Variants in TTC1 observed in about 807,000 individuals in gnomAD.
TTC1 encodes the protein tetratricopeptide repeat protein 1.
TTC1 carries 31 observed loss-of-function variants against 37.6 expected under a neutral mutation model. That is an observed-to-expected ratio of 0.82 (90% CI 0.62 to 1.11). TTC1 has a LOEUF of 1.11. Among genes scored for constraint, TTC1 ranks in the 50% most tolerant of loss-of-function variants. The pLI is 0.00. For synonymous variants in TTC1, 127 were observed against 122.4 expected, an observed-to-expected ratio of 1.04 and a Z score of -0.25; for missense variants, 351 against 339.0, an observed-to-expected ratio of 1.04 and a Z score of -0.28.
At chr5:160,029,328 A>G (rs1158337189) in intron 2 of TTC1, among the ~76,000 whole-genome samples, 1 of 151,968 alleles carries the variant, frequency 6.6e-6, no homozygotes, top group Non-Finnish European at 1.5e-5. Context: ...TTGTTTCTAA[A>G]CACTATTCCA....
At chr5:160,054,560 G>A (rs1277472889) in intron 7 of TTC1, among the ~76,000 whole-genome samples, 1 of 151,448 alleles carries the variant, frequency 6.6e-6, no homozygotes, top group Non-Finnish European at 1.5e-5. Flanking sequence ...GCAGTGTTAC[G>A]ATGGTACCAG....
At chr5:160,054,617 GAAA>G (rs1322968196) in intron 7 of TTC1, among the ~76,000 whole-genome samples, 1 of 141,382 alleles carries the variant, frequency 7.1e-6, no homozygotes, top group Non-Finnish European at 1.6e-5. Flanking sequence ...AAAAAAGAAA[GAAA>G]AAAGAAAAGA....
intron 5 of TTC1, among the ~76,000 whole-genome samples, chr5:160,045,267 A>C (rs1322387003): frequency 6.6e-6 from 1 of 152,142 alleles, no homozygotes; most frequent in Non-Finnish European, 1.5e-5. Context: ...TGCCTAGAAA[A>C]TGAGGGAAAG....
intron 7 of TTC1, among the ~76,000 whole-genome samples, chr5:160,063,240 T>C (rs6861719): frequency 0.76 from 115,480 of 152,128 alleles, 43,878 homozygotes; most frequent in East Asian, 0.87. Flanking sequence ...GGCCATGCGT[T>C]TTTTTTGCTC....
intron 4 of TTC1, among the ~76,000 whole-genome samples, chr5:160,040,443 A>G (rs991916270): frequency 1.3e-5 from 2 of 151,984 alleles, no homozygotes; most frequent in African/African-American, 4.8e-5. Context: ...TATTTTTTTA[A>G]TTTTTCTTTA....
intron 5 of TTC1, among the ~76,000 whole-genome samples, chr5:160,045,882 A>T (rs1652217307): frequency 6.6e-6 from 1 of 152,042 alleles, no homozygotes; most frequent in African/African-American, 2.4e-5. Flanking sequence ...AGCTGGGACT[A>T]CGGGCGCATG....
At chr5:160,010,276 AAAAG>A (rs1314075313) in intron 1 of TTC1, among the ~76,000 whole-genome samples, 1 of 151,590 alleles carries the variant, frequency 6.6e-6, no homozygotes, top group Admixed American at 6.6e-5. Flanking sequence ...AAAAAAAAAA[AAAAG>A]AATCTGGTAC....
At chr5:160,036,662 T>C in intron 3 of TTC1, 29 bp from the exon 4 acceptor site, 1 of 1,455,180 alleles carries the variant, frequency 6.9e-7, no homozygotes, top group Non-Finnish European at 9.7e-7. Context: ...AAAATCAAAA[T>C]GACCATTCAT....
At chr5:160,060,441 C>T (rs909949254) in intron 7 of TTC1, among the ~76,000 whole-genome samples, 3 of 152,188 alleles carry the variant, frequency 2.0e-5, no homozygotes, top group African/African-American at 7.2e-5. Context: ...GTACTCTTCT[C>T]TTTGCCATGG....
chr5:160,024,001 T>C lies in TTC1; in HGVS notation c.331-11139T>C, dbSNP rs977782384. On this transcript the variant is annotated intron_variant, in intron 2 of 7. Transcript: ENST00000231238. ...CACCTGGTTGCATGAAACAATCTTTTGCAAAGTGGCCTTTACAGCCACACT... is the reference window on the plus strand; with the variant it reads ...CACCTGGTTGCATGAAACAATCTTTCGCAAAGTGGCCTTTACAGCCACACT... 7.2e-6 allele frequency: 11 copies of C among 1,522,860 alleles called. No homozygotes were observed. In the South Asian group the frequency reaches 1.0e-4, roughly 14 times the overall value. The allele number at this position is 1,522,860 out of a possible 1,614,324, so 94.3% of individuals were successfully genotyped here.
In TTC1 at chr5:160,010,678, G is replaced by T; in HGVS notation, c.150G>T (p.Glu50Asp). 1 of 1,613,770 alleles carries T rather than the reference G, an allele frequency of 6.2e-7. No homozygotes were observed. Among genetic ancestry groups the T allele is most frequent in the Non-Finnish European group, 8.5e-7 (1 of 1,179,864 alleles). ...AGAGTAAGCTGCTCAGGGATGATGA[G>T]GCCCATCTCCAGGAGGACCAGGGAG... ...HSQSKLLRDD[E>D]AHLQEDQGEE... Residue 50 changes from glutamate (E) to aspartate (D), a missense_variant, in exon 2 of 8, where the codon GAG becomes GAT. Physicochemically the swap from Glu to Asp is conservative, Grantham distance 45 (BLOSUM62 2). Transcript: ENST00000231238.
At chr5:160,050,337 C>T (rs1757368336) in intron 6 of TTC1, among the ~76,000 whole-genome samples, 1 of 151,792 alleles carries the variant, frequency 6.6e-6, no homozygotes, top group South Asian at 2.1e-4. Context: ...ATCCCAGCTA[C>T]TCGAGAGGCT....
At chr5:160,010,966 C>T in intron 2 of TTC1, 108 bp downstream of exon 2, 3 of 1,066,190 alleles carry the variant, frequency 2.8e-6, no homozygotes, top group East Asian at 5.2e-5. Flanking sequence ...TAACTTGCCC[C>T]TTTGTCTTCT....
intron 7 of TTC1, among the ~76,000 whole-genome samples, chr5:160,059,879 T>C (rs1414221199): frequency 6.6e-6 from 1 of 152,260 alleles, no homozygotes; most frequent in East Asian, 1.9e-4. Flanking sequence ...GAGCACGTGC[T>C]ATTGGAAAAA....
At chr5:160,058,461 A>T (rs1315156853) in intron 7 of TTC1, among the ~76,000 whole-genome samples, 6 of 135,134 alleles carry the variant, frequency 4.4e-5, no homozygotes, top group Admixed American at 4.2e-4. Context: ...CCCAGGCTGG[A>T]GTGCAGTGGT....
At chr5:160,021,583 A>T (rs1212051998) in intron 2 of TTC1, among the ~76,000 whole-genome samples, 8 of 152,226 alleles carry the variant, frequency 5.3e-5, no homozygotes, top group Non-Finnish European at 1.2e-4. Context: ...ACTGAGAGGC[A>T]GGTTCTAACT....
chr5:160,061,581 G>A (rs1273063167), intron 7 of TTC1, among the ~76,000 whole-genome samples: 1 of 152,024 alleles, frequency 6.6e-6, no homozygotes, highest in Non-Finnish European at 1.5e-5. Flanking sequence ...ATTTATTTGT[G>A]TGCCTTTTAT....
intron 6 of TTC1, among the ~76,000 whole-genome samples, chr5:160,050,628 T>G (rs1029356448): frequency 0.029 from 308 of 10,792 alleles, 1 homozygote; most frequent in African/African-American, 0.076. Flanking sequence ...CAAACAAAAC[T>G]TTTTTTTTTT....
At chr5:160,064,908 T>G in intron 7 of TTC1, 24 bp from the exon 8 acceptor site, 1 of 1,603,362 alleles carries the variant, frequency 6.2e-7, no homozygotes, top group South Asian at 1.1e-5. Flanking sequence ...TGTATTCATT[T>G]GAGTTTTTGC....
Sources: allele counts gnomAD v4.1 joint callset (sites outside exome capture counted in the v4.1 genomes callset), GRCh38; gene constraint gnomAD v4.1.1; transcripts MANE v1.5; gene names NCBI Gene and HGNC (gene_info 2026-07-23, HGNC 2026-07-21).